Variants in PRRC2C observed in about 807,000 individuals in gnomAD.
The protein encoded by PRRC2C is proline rich coiled-coil 2C, also known as protein PRRC2C.
Under a neutral mutation model 317.2 loss-of-function variants are expected in PRRC2C, and 72 were observed. The observed-to-expected ratio is 0.23, with a 90% CI of 0.19 to 0.28. The LOEUF is 0.28. Ranked by LOEUF, PRRC2C falls within the 10% of genes least tolerant of loss-of-function variation. The pLI is 1.00. For synonymous variants in PRRC2C, 1,296 were observed against 1,205.9 expected, an observed-to-expected ratio of 1.07 and a Z score of -1.55; for missense variants, 3,074 against 3,459.7, an observed-to-expected ratio of 0.89 and a Z score of 2.80.
In PRRC2C at chr1:171,557,284, T is replaced by G; in HGVS notation, c.5172T>G (p.Thr1724=). Residue 1724 remains threonine (T), a synonymous_variant, in exon 19 of 35, where the codon ACT becomes ACG. Coordinates refer to ENST00000647382, the MANE Select transcript of PRRC2C (RefSeq NM_001387844.1). ...CAAATGAAAAAGGAAGAAGCCAGAC[T>G]TCTAAGCTTCCTCCAAGATTTGCCA... The part of the protein sequence containing the change: ...KNANEKGRSQ[T]SKLPPRFAKK... 6.4e-7 allele frequency: 1 copy of G among 1,551,876 alleles called. No individual in the cohort carries two copies. The highest frequency in any genetic ancestry group is 8.7e-7 in the Non-Finnish European group (1 of 1,147,010).
chr1:171,530,190 A>G (rs1181026081), intron 11 of PRRC2C, among the ~76,000 whole-genome samples: 1 of 147,914 alleles, frequency 6.8e-6, no homozygotes, highest in Non-Finnish European at 1.5e-5. Context: ...ATGCAAAGAT[A>G]TGTTACAGAA....
At chr1:171,570,147 G>C (rs1197127753) in intron 23 of PRRC2C, among the ~76,000 whole-genome samples, 1 of 152,286 alleles carries the variant, frequency 6.6e-6, no homozygotes, top group South Asian at 2.1e-4. Context: ...TCATGGTGTT[G>C]CTTACTTGTG....
At position 171,540,834 on chromosome 1, in the gene PRRC2C, C is replaced by G. The variant is rs1042616744; in HGVS notation, c.3368C>G (p.Thr1123Ser). 4 of 1,613,758 alleles carry G rather than the reference C, an allele frequency of 2.5e-6. No individual in the cohort carries two copies. Among genetic ancestry groups the G allele is most frequent in the Non-Finnish European group, 3.4e-6 (4 of 1,179,828 alleles). Residue 1123 changes from threonine to serine, a missense_variant, in exon 16 of 35, where the codon ACT becomes AGT. This residue lies in a region of PRRC2C where 1,320 missense variants were observed against 1,395.7 expected (regional missense o/e 0.95). Coordinates refer to ENST00000647382, the MANE Select transcript of PRRC2C (RefSeq NM_001387844.1). ...STVQVEPAVKTVNQQTMAAPV... is the reference protein window; with the variant it reads ...STVQVEPAVKSVNQQTMAAPV... ...GTTCAGGTAGAGCCTGCAGTTAAGA[C>G]TGTAAACCAACAGACTATGGCAGCA...
chr1:171,566,262 C>T lies in PRRC2C; in HGVS notation c.6147C>T (p.Leu2049=), dbSNP rs527862519. The stretch of plus-strand genomic sequence containing the variant: ...CGAAGAATGGTCAAGAAAGTGGACT[C>T]GAAATTGGAACTGACACAATTCAGT... ...EGAKNGQESG[L]EIGTDTIQFG... is the part of the protein sequence containing the mutation. The change falls in exon 21 of 35, where the codon CTC becomes CTT. Residue 2049 remains leucine, a synonymous_variant. Transcript: ENST00000647382. 1 of 1,611,208 alleles carries T rather than the reference C, an allele frequency of 6.2e-7. No homozygotes were observed. The highest frequency in any genetic ancestry group is 2.2e-5 in the East Asian group (1 of 44,810).
At chr1:171,498,315 G>A (rs571386283) in intron 1 of PRRC2C, among the ~76,000 whole-genome samples, 2 of 152,260 alleles carry the variant, frequency 1.3e-5, no homozygotes, top group African/African-American at 4.8e-5. Flanking sequence ...AGGCTGGAAA[G>A]TCCAAGATCA....
At chr1:171,558,595 T>C (rs1178014121) in intron 19 of PRRC2C, among the ~76,000 whole-genome samples, 1 of 152,236 alleles carries the variant, frequency 6.6e-6, no homozygotes, top group Non-Finnish European at 1.5e-5. Flanking sequence ...ATCTTTGATA[T>C]TGTAATTGTT....
At chr1:171,512,739 A>G (rs979521494) in intron 2 of PRRC2C, 38 of 338,614 alleles carry the variant, frequency 1.1e-4, no homozygotes, top group South Asian at 3.6e-4. Context: ...TATCAGTATT[A>G]TCAATGTTTT....
At chr1:171,495,591 A>G (rs1667953733) in intron 1 of PRRC2C, among the ~76,000 whole-genome samples, 1 of 152,342 alleles carries the variant, frequency 6.6e-6, no homozygotes, top group Admixed American at 6.5e-5. Flanking sequence ...AAGGAGAAGT[A>G]TGTAAATGAC....
intron 2 of PRRC2C, 187 bp from the exon 3 acceptor site, chr1:171,512,808 A>C (rs1244989504): frequency 6.0e-6 from 3 of 504,186 alleles, no homozygotes; most frequent in Non-Finnish European, 9.9e-6. Flanking sequence ...ATGCTGTTAA[A>C]TGGCTTGATT....
intron 30 of PRRC2C, among the ~76,000 whole-genome samples, chr1:171,584,984 C>G (rs1649526590): frequency 6.6e-6 from 1 of 152,088 alleles, no homozygotes; most frequent in South Asian, 2.1e-4. Flanking sequence ...CCATGTTGCC[C>G]CAGGCTGATC....
At chr1:171,510,891 AATGAG>A (rs1324607657) in intron 1 of PRRC2C, 1 of 152,184 alleles carries the variant, frequency 6.6e-6, no homozygotes, top group East Asian at 1.9e-4. Context: ...GTTTGACTGA[AATGAG>A]ATAATAGAGG....
chr1:171,508,657 C>T (rs542248196), intron 1 of PRRC2C, among the ~76,000 whole-genome samples: 2 of 152,246 alleles, frequency 1.3e-5, no homozygotes, highest in South Asian at 2.1e-4. Flanking sequence ...CTTTGTGTTC[C>T]TTCATAAGAA....
intron 24 of PRRC2C, among the ~76,000 whole-genome samples, chr1:171,573,704 A>C (rs1194463859): frequency 6.1e-5 from 5 of 81,604 alleles, no homozygotes; most frequent in Non-Finnish European, 4.5e-5. Context: ...TTTGAGTTGG[A>C]GCCTCGTTCT....
chr1:171,552,564 G>C (rs1054688236), intron 18 of PRRC2C, among the ~76,000 whole-genome samples: 3 of 152,182 alleles, frequency 2.0e-5, no homozygotes, highest in Non-Finnish European at 4.4e-5. Context: ...AATGCTTCCA[G>C]TTTTTGCCCA....
intron 26 of PRRC2C, among the ~76,000 whole-genome samples, chr1:171,578,051 C>T (rs1475644204): frequency 6.6e-6 from 1 of 150,824 alleles, no homozygotes; most frequent in Non-Finnish European, 1.5e-5. Flanking sequence ...CTGCCTCAGC[C>T]TCCCAAAGTG....
At chr1:171,496,046 A>G (rs1375276224) in intron 1 of PRRC2C, among the ~76,000 whole-genome samples, 1 of 151,816 alleles carries the variant, frequency 6.6e-6, no homozygotes, top group African/African-American at 2.4e-5. Flanking sequence ...GGCCCGTACA[A>G]CCTCATCTAA....
rs1357363219 is a variant in PRRC2C, at chr1:171,532,463, G to A, written c.1375G>A (p.Ala459Thr). Residue 459 changes from alanine (A) to threonine (T), a missense_variant, in exon 12 of 35, where the codon GCA becomes ACA. By Grantham distance (58) the Ala-to-Thr change is moderately conservative (BLOSUM62 0). This residue lies in a region of PRRC2C where 1,320 missense variants were observed against 1,395.7 expected (regional missense o/e 0.95). Coordinates refer to ENST00000647382, the MANE Select transcript of PRRC2C (RefSeq NM_001387844.1). ...QRRRQQSEISAAVERARKRRE... is the reference protein window; with the variant it reads ...QRRRQQSEISTAVERARKRRE... The stretch of plus-strand genomic sequence containing the variant: ...ACGAAGACAACAATCAGAAATTTCT[G>A]CAGCAGTAGAACGTGCTCGTAAACG... The A allele has an allele frequency of 1.2e-6, 2 of 1,613,700 alleles. No homozygotes were observed. Among genetic ancestry groups the A allele is most frequent in the Non-Finnish European group, 1.7e-6 (2 of 1,179,768 alleles).
At position 171,492,868 on chromosome 1, in the gene PRRC2C, C is replaced by CA. The variant is rs1264918065; in HGVS notation, c.-58+7134dup. On this transcript the variant is annotated intron_variant, in intron 1 of 34. Transcript: ENST00000647382. ...CCAGGTTCAAGCAATTCTTCTGCCT[C>CA]AGCAGCCCGAGTAGCTGGGATTACA... 2.6e-5 allele frequency among the ~76,000 whole-genome samples: 4 copies of CA among 151,858 alleles called. No individual in the cohort carries two copies. In the East Asian group the frequency reaches 7.7e-4, roughly 29 times the overall value.
chr1:171,573,673 C>CTTTTTTTT lies in PRRC2C; in HGVS notation c.6754-1238_6754-1231dup, dbSNP rs1024285954. On this transcript the variant is annotated intron_variant, in intron 24 of 34. Transcript: ENST00000647382. Reference sequence around the variant, plus strand: ...AAAATATGTACTATGTCTCAAAATTCTTTTTTTTTTTTTTTTTTTTTTTGA... The same window carrying CTTTTTTTT: ...AAAATATGTACTATGTCTCAAAATTCTTTTTTTTTTTTTTTTTTTTTTTTTTTTTTTGA... Among the ~76,000 whole-genome samples, 479 of 85,730 alleles carry CTTTTTTTT rather than the reference C, an allele frequency of 5.6e-3. 3 individuals are homozygous for CTTTTTTTT. The highest frequency in any genetic ancestry group is 0.01 in the East Asian group (26 of 2,530). The allele number at this position is 85,730 out of a possible 152,430, so 56.2% of individuals were successfully genotyped here.
Sources: allele counts gnomAD v4.1 joint callset (sites outside exome capture counted in the v4.1 genomes callset), GRCh38; gene constraint gnomAD v4.1.1; regional missense constraint gnomAD v4.1.1; transcripts MANE v1.5; gene names NCBI Gene and HGNC (gene_info 2026-07-23, HGNC 2026-07-21).